TIGD7: variants seen among roughly 807,000 people sequenced by gnomAD.
TIGD7 encodes tigger transposable element-derived protein 7.
Under a neutral mutation model 24.8 loss-of-function variants are expected in TIGD7, and 26 were observed. The observed-to-expected ratio is 1.05, with a 90% CI of 0.77 to 1.45. The LOEUF is 1.45. Ranked by LOEUF, TIGD7 falls within the 40% of genes most tolerant of loss-of-function variation. The pLI is 0.00. For missense variants in TIGD7, 679 were observed against 641.6 expected, an observed-to-expected ratio of 1.06 and a Z score of -0.63; for synonymous variants, 221 against 224.1, an observed-to-expected ratio of 0.99 and a Z score of 0.12.
Position 3,301,556 on chromosome 16 carries a change from G to C in TIGD7, c.-942C>G, listed in dbSNP as rs1374354294. 3 of 166,890 alleles carry C rather than the reference G, an allele frequency of 1.8e-5. No individual in the cohort carries two copies. The highest frequency in any genetic ancestry group is 4.4e-5 in the Non-Finnish European group (3 of 68,106). The allele number at this position is 166,890 out of a possible 1,614,324, so 10.3% of individuals were successfully genotyped here. A position where few individuals can be genotyped will look rare whatever the true frequency, so the allele number is the denominator to read the frequency against. On this transcript the variant is annotated 5_prime_UTR_variant, in exon 2 of 2. Transcript: ENST00000396862. ...TTTTCACTGAAACTGTTCTCTATTT[G>C]AGATATTATCAAGTTTCAGAATCAC...
rs766416806 is a variant in TIGD7 at position 3,299,791 on chromosome 16, C to T, written c.824G>A (p.Arg275Gln). The change falls in exon 2 of 2, where the codon CGA becomes CAA. Residue 275 changes from arginine to glutamine, a missense_variant. Physicochemically the swap from Arg to Gln is conservative, Grantham distance 43. Transcript: ENST00000396862. ...TCTTAGAACATTAAGTTGAAAATGT[C>T]GGACCTCAGGAACAAAGTTTTGAAA... Reference protein sequence around the residue: ...WFFQNFVPEVRHFQLNVLRFH... With the variant: ...WFFQNFVPEVQHFQLNVLRFH... 1.9e-6 allele frequency: 3 copies of T among 1,577,298 alleles called. No homozygotes were observed. Among genetic ancestry groups the T allele is most frequent in the Non-Finnish European group, 2.6e-6 (3 of 1,166,040 alleles).
At position 3,300,120 on chromosome 16, in the gene TIGD7, TTTGA is replaced by T; in HGVS notation, c.491_494del (p.Ile164LysfsTer7). On this transcript the variant is annotated frameshift_variant, in exon 2 of 2. Coordinates refer to ENST00000396862, the MANE Select transcript of TIGD7 (RefSeq NM_033208.4). LOFTEE classifies it high-confidence loss of function. ...GCTGAGCTAGACACAGTTTCTCCTCTTTGATTATCATGGACAGTTTTTGTCGAAA... is the reference window on the plus strand; with the variant it reads ...GCTGAGCTAGACACAGTTTCTCCTCTTTATCATGGACAGTTTTTGTCGAAA... The T allele has an allele frequency of 6.2e-7, 1 of 1,614,224 alleles. No homozygotes were observed. The highest frequency in any genetic ancestry group is 8.5e-7 in the Non-Finnish European group (1 of 1,180,030).
At position 3,300,331 on chromosome 16, in the gene TIGD7, C is replaced by A. The variant is rs765003557; in HGVS notation, c.284G>T (p.Gly95Val). 29 of 1,614,240 alleles carry A rather than the reference C, an allele frequency of 1.8e-5. No individual in the cohort carries two copies. Among genetic ancestry groups the A allele is most frequent in the Non-Finnish European group, 2.3e-5 (27 of 1,180,044 alleles). Residue 95 changes from glycine to valine, a missense_variant, in exon 2 of 2, where the codon GGT (glycine) becomes GTT (valine). Transcript: ENST00000396862. ...AAGCTCCACGCCTCTTACCGGAACA[C>A]CGGCTGAGCGTTTCTGTTGGTACCA... Reference protein sequence around the residue: ...YMWYQQKRSAGVPVRGVELQA... With the variant: ...YMWYQQKRSAVVPVRGVELQA...
chr16:3,299,655 G>A lies in TIGD7; in HGVS notation c.960C>T (p.Pro320=), dbSNP rs1959875165. The A allele has an allele frequency of 6.4e-7, 1 of 1,557,528 alleles. No homozygotes were observed. The highest frequency in any genetic ancestry group is 2.2e-5 in the East Asian group (1 of 44,498). ...EDGRIKCMFF[P]HNTSTLIQPM... ...GTTGAATCAAGGTTGAAGTGTTATG[G>A]GGGAAGAACATACATTTTATTCGAC... Residue 320 remains proline, a synonymous_variant, in exon 2 of 2, where the codon CCC becomes CCT. Coordinates refer to ENST00000396862, the MANE Select transcript of TIGD7 (RefSeq NM_033208.4).
At chr16:3,303,010 A>T in intron 1 of TIGD7, among the ~76,000 whole-genome samples, 1 of 151,694 alleles carries the variant, frequency 6.6e-6, no homozygotes, top group Non-Finnish European at 1.5e-5. Context: ...GCTAATTTTT[A>T]TATTTTTAGT....
intron 1 of TIGD7, chr16:3,303,708 G>T (rs953019956): frequency 1.3e-5 from 2 of 152,148 alleles, no homozygotes; most frequent in African/African-American, 4.8e-5. Context: ...AGCAAAAATA[G>T]CATAATGGCC....
rs563446546 is a variant in TIGD7, at chr16:3,303,172, G to A, written c.-1395-1163C>T. 4.6e-5 allele frequency among the ~76,000 whole-genome samples: 7 copies of A among 152,290 alleles called. 1 individual carries two copies. The highest frequency in any genetic ancestry group is 4.6e-4 in the Admixed American group (7 of 15,298). On this transcript the variant is annotated intron_variant, in intron 1 of 1. Coordinates refer to ENST00000396862, the MANE Select transcript of TIGD7 (RefSeq NM_033208.4). Reference sequence around the variant, plus strand: ...ATTTCTAAAACAGTGCCCAAGCAAGGGGAGGTGAAACCAAAAGGAAAGGCT... The same window carrying A: ...ATTTCTAAAACAGTGCCCAAGCAAGAGGAGGTGAAACCAAAAGGAAAGGCT...
At chr16:3,302,764 C>G (rs1959976450) in intron 1 of TIGD7, among the ~76,000 whole-genome samples, 2 of 151,642 alleles carry the variant, frequency 1.3e-5, no homozygotes, top group South Asian at 4.1e-4. Flanking sequence ...ATTCAGGCCA[C>G]TATGACAGTT....
In TIGD7 at chr16:3,300,639, A is replaced by G. The variant is rs7185015; in HGVS notation, c.-25T>C. On this transcript the variant is annotated 5_prime_UTR_variant, in exon 2 of 2. Coordinates refer to ENST00000396862, the MANE Select transcript of TIGD7 (RefSeq NM_033208.4). Reference sequence around the variant, plus strand: ...TACTGAATTTAACTCTGAACCACCAACAGGAGAAAACAAAGGGAAAAGCCT... The same window carrying G: ...TACTGAATTTAACTCTGAACCACCAGCAGGAGAAAACAAAGGGAAAAGCCT... The G allele has an allele frequency of 0.23, 345,175 of 1,524,378 alleles. 42,132 individuals are homozygous for G. The highest frequency in any genetic ancestry group is 0.31 in the Admixed American group (13,920 of 44,608). 94.4% of individuals were successfully genotyped at this position (1,524,378 alleles called of 1,614,324 possible). A position where few individuals can be genotyped will look rare whatever the true frequency, so the allele number is the denominator to read the frequency against.
In TIGD7 at chr16:3,300,732, G is replaced by A; in HGVS notation, c.-118C>T. 8.3e-6 allele frequency: 12 copies of A among 1,453,694 alleles called. No individual in the cohort carries two copies. Among genetic ancestry groups the A allele is most frequent in the Non-Finnish European group, 1.1e-5 (12 of 1,101,200 alleles). The allele number at this position is 1,453,694 out of a possible 1,614,324, so 90.0% of individuals were successfully genotyped here. ...CTTAGCTGAAAGCCCCAGAAGGCATGGGCATTGTATTGGAGGATAATGGAC... is the reference window on the plus strand; with the variant it reads ...CTTAGCTGAAAGCCCCAGAAGGCATAGGCATTGTATTGGAGGATAATGGAC... On this transcript the variant is annotated 5_prime_UTR_variant, in exon 2 of 2. Transcript: ENST00000396862.
rs1959921706 is a variant in TIGD7 at position 3,300,906 on chromosome 16, T to C, written c.-292A>G. 2 of 294,712 alleles carry C rather than the reference T, an allele frequency of 6.8e-6. No homozygotes were observed. Among genetic ancestry groups the C allele is most frequent in the Non-Finnish European group, 1.3e-5 (2 of 150,338 alleles). The allele number at this position is 294,712 out of a possible 1,614,324, so 18.3% of individuals were successfully genotyped here. A position where few individuals can be genotyped will look rare whatever the true frequency, so the allele number is the denominator to read the frequency against. ...GAATGCCCCCTACCTCTCCTCTCTT[T>C]TGACAGATACAACAGCCTCAGTCAG... On this transcript the variant is annotated 5_prime_UTR_variant, in exon 2 of 2. Transcript: ENST00000396862.
rs778660877 is a variant in TIGD7, at chr16:3,300,274, A to G, written c.341T>C (p.Phe114Ser). ...GCTAGCTTTGAAATCTGTTCGCCCA[A>G]AACACCGTGCAAATCTCTCTGCAGC... Reference protein sequence around the residue: ...QAAAERFARCFGRTDFKASTG... With the variant: ...QAAAERFARCSGRTDFKASTG... The change falls in exon 2 of 2, where the codon TTT becomes TCT. Residue 114 changes from phenylalanine (F) to serine (S), a missense_variant. Phe to Ser is a radical substitution (Grantham distance 155). Transcript: ENST00000396862. 1 of 1,614,204 alleles carries G rather than the reference A, an allele frequency of 6.2e-7. No individual in the cohort carries two copies. Among genetic ancestry groups the G allele is most frequent in the East Asian group, 2.2e-5 (1 of 44,886 alleles).
rs758999146 is a variant in TIGD7 at position 3,300,134 on chromosome 16, A to T, written c.481T>A (p.Ser161Thr). Residue 161 changes from serine (S) to threonine (T), a missense_variant, in exon 2 of 2, where the codon TCC becomes ACC. Physicochemically the swap from Ser to Thr is moderately conservative, Grantham distance 58. Transcript: ENST00000396862. ...ENVEPFRQKL[S>T]MIIKEEKLCL... Reference sequence around the variant, plus strand: ...AGTTTCTCCTCTTTGATTATCATGGACAGTTTTTGTCGAAATGGCTCAACA... The same window carrying T: ...AGTTTCTCCTCTTTGATTATCATGGTCAGTTTTTGTCGAAATGGCTCAACA... The T allele has an allele frequency of 2.5e-6, 4 of 1,614,102 alleles. No individual in the cohort carries two copies. Among genetic ancestry groups the T allele is most frequent in the Non-Finnish European group, 2.5e-6 (3 of 1,180,056 alleles).
rs1959846080 is a variant in TIGD7, at chr16:3,298,896, A to G, written c.*69T>C. 1 of 568,808 alleles carries G rather than the reference A, an allele frequency of 1.8e-6. No homozygotes were observed. The highest frequency in any genetic ancestry group is 2.8e-6 in the Non-Finnish European group (1 of 354,188). The allele number at this position is 568,808 out of a possible 1,614,324, so 35.2% of individuals were successfully genotyped here. ...GGGCACTGATATACAAAATAATGTC[A>G]GTTGCTAAAACAAGACAATTCACAG... On this transcript the variant is annotated 3_prime_UTR_variant, in exon 2 of 2. Transcript: ENST00000396862.
In TIGD7 at chr16:3,299,078, T is replaced by G; in HGVS notation, c.1537A>C (p.Lys513Gln). The change falls in exon 2 of 2, where the codon AAG (lysine) becomes CAG (glutamine). Residue 513 changes from lysine to glutamine, a missense_variant. Lys to Gln is a moderately conservative substitution (Grantham distance 53, BLOSUM62 1). Transcript: ENST00000396862. ...TLKEMQQEIV[K>Q]KQFQSKIHSR... is the part of the protein sequence containing the mutation. ...TGGATTTTACTCTGGAACTGTTTCT[T>G]GACTATTTCTTGTTGCATCTCTTTC... 1.4e-6 allele frequency: 2 copies of G among 1,418,796 alleles called. No homozygotes were observed. The highest frequency in any genetic ancestry group is 1.8e-5 in the South Asian group (1 of 55,288). 87.9% of individuals were successfully genotyped at this position (1,418,796 alleles called of 1,614,324 possible). A position where few individuals can be genotyped will look rare whatever the true frequency, so the allele number is the denominator to read the frequency against.
Position 3,299,962 on chromosome 16 carries a change from G to C in TIGD7, c.653C>G (p.Ala218Gly). The change falls in exon 2 of 2, where the codon GCA becomes GGA. Residue 218 changes from alanine to glycine, a missense_variant. By Grantham distance (60) the Ala-to-Gly change is moderately conservative. Transcript: ENST00000396862. Reference protein sequence around the residue: ...ERLSAFLCANADGTHKLKSII... With the variant: ...ERLSAFLCANGDGTHKLKSII... Reference sequence around the variant, plus strand: ...TGACTTTAATTTATGAGTTCCGTCTGCATTTGCACATAAAAAGGCAGACAA... The same window carrying C: ...TGACTTTAATTTATGAGTTCCGTCTCCATTTGCACATAAAAAGGCAGACAA... The C allele has an allele frequency of 6.2e-7, 1 of 1,613,918 alleles. No individual in the cohort carries two copies. Among genetic ancestry groups the C allele is most frequent in the Non-Finnish European group, 8.5e-7 (1 of 1,179,946 alleles).
In TIGD7 at chr16:3,301,692, T is replaced by G. The variant is rs1959943197; in HGVS notation, c.-1078A>C. The G allele has an allele frequency of 6.0e-6, 1 of 166,548 alleles. No homozygotes were observed. Among genetic ancestry groups the G allele is most frequent in the Non-Finnish European group, 1.5e-5 (1 of 68,122 alleles). The allele number at this position is 166,548 out of a possible 1,614,324, so 10.3% of individuals were successfully genotyped here. A position where few individuals can be genotyped will look rare whatever the true frequency, so the allele number is the denominator to read the frequency against. ...TCCTAAATTTACACTATAAGTAACA[T>G]ACTTTTTATATTTGAGATTTTGATT... On this transcript the variant is annotated 5_prime_UTR_variant, in exon 2 of 2. An upstream start codon of the reference 5' UTR is lost. Coordinates refer to ENST00000396862, the MANE Select transcript of TIGD7 (RefSeq NM_033208.4).
At position 3,304,818 on chromosome 16, in the gene TIGD7, T is replaced by A. The variant is rs554844031; in HGVS notation, c.-1396+394A>T. 13 of 152,302 alleles carry A rather than the reference T, an allele frequency of 8.5e-5. No homozygotes were observed. The East Asian group carries it at 9.6e-4, about 11-fold the overall frequency. The allele number at this position is 152,302 out of a possible 1,614,324, so 9.4% of individuals were successfully genotyped here. ...TATAAGATGAAAACAAGGTTCCCAT[T>A]TTCCAGGGAAGAATACTGGAGTGGA... On this transcript the variant is annotated intron_variant, in intron 1 of 1. Transcript: ENST00000396862.
At chr16:3,303,989 C>G (rs1456759979) in intron 1 of TIGD7, 1 of 152,144 alleles carries the variant, frequency 6.6e-6, no homozygotes, top group East Asian at 1.9e-4. Context: ...CCCACCACCA[C>G]GCCCGGCTAA....
Sources: allele counts gnomAD v4.1 joint callset (sites outside exome capture counted in the v4.1 genomes callset), GRCh38; gene constraint gnomAD v4.1.1; transcripts MANE v1.5; gene names NCBI Gene and HGNC (gene_info 2026-07-23, HGNC 2026-07-21).